The following DRD2 variants were observed in gnomAD, a reference collection of about 807,000 sequenced individuals.
The protein encoded by DRD2 is dopamine receptor D2.
DRD2 carries 8 observed loss-of-function variants against 38.0 expected under a neutral mutation model. The ratio of observed to expected loss-of-function variants is 0.21; its 90% CI spans 0.12 to 0.38. DRD2 has a LOEUF of 0.38. DRD2 is among the 10% of genes least tolerant of loss of function. The pLI, the probability that DRD2 is intolerant of heterozygous loss-of-function variation, is 1.00. For missense variants in DRD2, 403 were observed against 607.7 expected (o/e 0.66, Z 3.54); for synonymous variants, 230 against 238.6 (o/e 0.96, Z 0.33).
rs67577307 is a variant in DRD2, at chr11:113,439,838, CAAAAAAAAAAAAAAAAAA to C, written c.-31-15174_-31-15157del. 2.0e-3 allele frequency among the ~76,000 whole-genome samples: 32 copies of C among 16,254 alleles called. No homozygotes were observed. The East Asian group carries it at 0.03, about 15-fold the overall frequency. 10.7% of individuals were successfully genotyped at this position (16,254 alleles called of 152,430 possible). The stretch of plus-strand genomic sequence containing the variant: ...TGGGTGACAGAGGGAGGCTCTGTCT[CAAAAAAAAAAAAAAAAAA>C]AAAAAAAAAAAAAAAAAAGCTAAGA... On this transcript the variant is annotated intron_variant, in intron 1 of 7. Coordinates refer to ENST00000362072, the MANE Select transcript of DRD2 (RefSeq NM_000795.4).
intron 1 of DRD2, among the ~76,000 whole-genome samples, chr11:113,473,496 A>G (rs146399348): frequency 5.9e-5 from 9 of 152,318 alleles, no homozygotes; most frequent in African/African-American, 1.9e-4. Context: ...GAACCTCTCC[A>G]CTTTCTGGGC....
intron 1 of DRD2, among the ~76,000 whole-genome samples, chr11:113,461,607 A>C (rs1291911027): frequency 2.6e-5 from 4 of 152,204 alleles, no homozygotes; most frequent in Non-Finnish European, 5.9e-5. Flanking sequence ...GTGAGAGTTA[A>C]AGACTAGGAT....
chr11:113,458,377 G>A (rs1466621608), intron 1 of DRD2, among the ~76,000 whole-genome samples: 2 of 142,426 alleles, frequency 1.4e-5, no homozygotes, highest in East Asian at 4.2e-4. Flanking sequence ...CCAGGTGTGG[G>A]CCTACAAATA....
chr11:113,416,818 G>T, intron 4 of DRD2, 45 bp downstream of exon 4: 1 of 1,607,078 alleles, frequency 6.2e-7, no homozygotes, highest in East Asian at 2.2e-5. Context: ...AGGGAGCAGG[G>T]GCCCAGGGCC....
intron 1 of DRD2, among the ~76,000 whole-genome samples, chr11:113,438,248 G>C (rs1329104606): frequency 6.6e-6 from 1 of 151,994 alleles, no homozygotes; most frequent in Non-Finnish European, 1.5e-5. Context: ...GTCCCACTTG[G>C]TAGCAGTATG....
Position 113,424,661 on chromosome 11 carries a change from G to A in DRD2, c.-10C>T. 1 of 1,613,926 alleles carries A rather than the reference G, an allele frequency of 6.2e-7. No homozygotes were observed. The highest frequency in any genetic ancestry group is 1.7e-5 in the Admixed American group (1 of 60,030). ...GATTCAGTGGATCCATCAGGGCGGTGGAGCCACTGGGTGGCCAGGCTCTGG... is the reference window on the plus strand; with the variant it reads ...GATTCAGTGGATCCATCAGGGCGGTAGAGCCACTGGGTGGCCAGGCTCTGG... On this transcript the variant is annotated 5_prime_UTR_variant, in exon 2 of 8. Coordinates refer to ENST00000362072, the MANE Select transcript of DRD2 (RefSeq NM_000795.4).
rs117806802 is a variant in DRD2 at position 113,443,688 on chromosome 11, A to G, written c.-31-19006T>C. Among the ~76,000 whole-genome samples, 38 of 152,328 alleles carry G rather than the reference A, an allele frequency of 2.5e-4. No individual in the cohort carries two copies. The East Asian group carries it at 6.9e-3, about 28-fold the overall frequency. On this transcript the variant is annotated intron_variant, in intron 1 of 7. Coordinates refer to ENST00000362072, the MANE Select transcript of DRD2 (RefSeq NM_000795.4). ...AAACCTGTGTACACCAGTTCTTGTC[A>G]TTGTCATTAGTTTAGCTCACTATTT...
rs372352852 is a variant in DRD2 at position 113,415,990 on chromosome 11, T to C, written c.533-379A>G. ...CCATCTTTTTAGTCTGACCTGTGTA[T>C]TGGGAGAGGTTGGCCACCTTTTAAT... On this transcript the variant is annotated intron_variant, in intron 4 of 7. Transcript: ENST00000362072. 4.1e-3 allele frequency among the ~76,000 whole-genome samples: 621 copies of C among 152,306 alleles called. 6 individuals are homozygous for C. The highest frequency in any genetic ancestry group is 0.028 in the South Asian group (135 of 4,832).
intron 1 of DRD2, among the ~76,000 whole-genome samples, chr11:113,456,815 A>T (rs745362109): frequency 6.6e-6 from 1 of 152,188 alleles, no homozygotes. Flanking sequence ...AGTTCTGGAG[A>T]TCTATTTTAC....
At chr11:113,422,419 C>T (rs1950894673) in intron 2 of DRD2, among the ~76,000 whole-genome samples, 1 of 152,174 alleles carries the variant, frequency 6.6e-6, no homozygotes, top group African/African-American at 2.4e-5. Context: ...GAAACTGAGG[C>T]ACAGAGAGTT....
chr11:113,414,140 T>C, intron 6 of DRD2: 1 of 584,510 alleles, frequency 1.7e-6, no homozygotes. Context: ...ATCATTTTTA[T>C]TACGTTGGTA....
At chr11:113,429,098 G>T (rs1024371811) in intron 1 of DRD2, among the ~76,000 whole-genome samples, 5 of 152,102 alleles carry the variant, frequency 3.3e-5, no homozygotes, top group African/African-American at 9.7e-5. Context: ...TTTATTATTG[G>T]TTGTTCTCGT....
At chr11:113,472,969 A>G (rs1951444213) in intron 1 of DRD2, among the ~76,000 whole-genome samples, 1 of 152,226 alleles carries the variant, frequency 6.6e-6, no homozygotes. Flanking sequence ...AGATTTAATC[A>G]GGGGGATGGT....
intron 1 of DRD2, among the ~76,000 whole-genome samples, chr11:113,444,951 T>G (rs1015686095): frequency 6.6e-6 from 1 of 152,244 alleles, no homozygotes; most frequent in Admixed American, 6.5e-5. Flanking sequence ...CATGGGATCT[T>G]TCACTGCACG....
In DRD2 at chr11:113,474,905, C is replaced by T. The variant is rs536959993; in HGVS notation, c.-32+171G>A. Among the ~76,000 whole-genome samples, 12 of 152,240 alleles carry T rather than the reference C, an allele frequency of 7.9e-5. No individual in the cohort carries two copies. The South Asian group carries it at 2.3e-3, about 29-fold the overall frequency. On this transcript the variant is annotated intron_variant, in intron 1 of 7. Transcript: ENST00000362072. The stretch of plus-strand genomic sequence containing the variant: ...AGCCGCGGGCTCCAGACGCCCTCTG[C>T]CCCCGCCCGACGGGGAGCCCATGCA...
intron 1 of DRD2, among the ~76,000 whole-genome samples, chr11:113,437,441 C>A (rs1781702914): frequency 6.6e-6 from 1 of 152,120 alleles, no homozygotes; most frequent in African/African-American, 2.4e-5. Flanking sequence ...TCCACAGAGC[C>A]CCCAAAGGAA....
At chr11:113,415,797 A>G (rs1950820106) in intron 4 of DRD2, among the ~76,000 whole-genome samples, 186 bp from the exon 5 acceptor site, 1 of 152,206 alleles carries the variant, frequency 6.6e-6, no homozygotes, top group African/African-American at 2.4e-5. Flanking sequence ...CCAGAGTATT[A>G]AAAACACGGT....
At chr11:113,428,571 G>A (rs1385735075) in intron 1 of DRD2, among the ~76,000 whole-genome samples, 8 of 152,216 alleles carry the variant, frequency 5.3e-5, no homozygotes, top group African/African-American at 1.9e-4. Flanking sequence ...GCACATGTGT[G>A]TGGCTGGGGC....
chr11:113,462,365 AC>A (rs1262485773), intron 1 of DRD2, among the ~76,000 whole-genome samples: 1 of 152,200 alleles, frequency 6.6e-6, no homozygotes, highest in African/African-American at 2.4e-5. Context: ...GTCTTTGCAG[AC>A]ATTATTAGTT....
Sources: gnomAD v4.1 joint callset for allele counts (sites outside exome capture counted in the v4.1 genomes callset) on GRCh38, gnomAD v4.1.1 for gene constraint, MANE v1.5 for transcripts, NCBI Gene and HGNC (gene_info 2026-07-23, HGNC 2026-07-21) for gene names.